Variants in KCNT1 observed in about 807,000 individuals in gnomAD.
KCNT1 encodes potassium sodium-activated channel subfamily T member 1.
In KCNT1, 78 loss-of-function variants were observed where a neutral mutation model predicts 147.8. The ratio of observed to expected loss-of-function variants is 0.53; its 90% CI spans 0.44 to 0.64. The LOEUF (loss-of-function observed/expected upper bound fraction) is 0.64, where lower values mean the gene tolerates loss of function less well. Ranked by LOEUF, KCNT1 falls within the 30% of genes least tolerant of loss-of-function variation. KCNT1 has a pLI of 0.00. For synonymous variants in KCNT1, 867 were observed against 748.8 expected, an observed-to-expected ratio of 1.16 and a Z score of -2.58; for missense variants, 1,419 against 1,750.3, an observed-to-expected ratio of 0.81 and a Z score of 3.38.
chr9:135,776,036 G>A (rs1357275918), intron 20 of KCNT1, among the ~76,000 whole-genome samples: 1 of 152,006 alleles, frequency 6.6e-6, no homozygotes, highest in Non-Finnish European at 1.5e-5. Flanking sequence ...CTGCATGTGG[G>A]GCCAGCCCTC....
Position 135,784,886 on chromosome 9 carries a change from G to T in KCNT1, c.3153G>T (p.Ser1051=), listed in dbSNP as rs141802876. The T allele has an allele frequency of 6.2e-7, 1 of 1,612,072 alleles. No individual in the cohort carries two copies. The highest frequency in any genetic ancestry group is 2.2e-5 in the East Asian group (1 of 44,876). The change falls in exon 27 of 31, where the codon TCG becomes TCT. Residue 1051 remains serine (S), a synonymous_variant. Transcript: ENST00000371757. ...CAGAGAGCCACGTCTTCTCCACCTC[G>T]GAGGTTCTGGGGCAGCCTGGGGGCT... The part of the protein sequence containing the change: ...YRTESHVFST[S]EPHDLRAQSQ...
At chr9:135,757,674 C>T (rs1005860136) in intron 9 of KCNT1, among the ~76,000 whole-genome samples, 16 of 152,182 alleles carry the variant, frequency 1.1e-4, no homozygotes, top group Non-Finnish European at 2.2e-4. Flanking sequence ...CAAACCCAGG[C>T]CACGAGGACC....
At position 135,786,479 on chromosome 9, in the gene KCNT1, A is replaced by C. The variant is rs750176430; in HGVS notation, c.3460A>C (p.Lys1154Gln). The change falls in exon 29 of 31, where the codon AAG becomes CAG. Residue 1154 changes from lysine to glutamine, a missense_variant. Transcript: ENST00000371757. ...SERQELSELV[K>Q]NRMKHLGLPT... is the part of the protein sequence containing the mutation. The stretch of plus-strand genomic sequence containing the variant: ...GCGCCAGGAGCTCTCCGAGCTGGTG[A>C]AGAACCGCATGAAGCACCTGGGGCT... 3.7e-6 allele frequency: 6 copies of C among 1,603,798 alleles called. No individual in the cohort carries two copies. In the East Asian group the frequency reaches 1.3e-4, roughly 36 times the overall value.
chr9:135,782,584 G>A (rs1047151827), intron 24 of KCNT1, among the ~76,000 whole-genome samples: 16 of 152,188 alleles, frequency 1.1e-4, no homozygotes, highest in Non-Finnish European at 7.3e-5. Flanking sequence ...AATGGCACCC[G>A]CTCAGCCCCT....
chr9:135,708,360 T>G (rs1417112399), intron 1 of KCNT1, among the ~76,000 whole-genome samples: 1 of 152,232 alleles, frequency 6.6e-6, no homozygotes, highest in Non-Finnish European at 1.5e-5. Flanking sequence ...TGCATGCAAA[T>G]ACATGCTCAT....
At chr9:135,720,766 C>T (rs113616820) in intron 2 of KCNT1, among the ~76,000 whole-genome samples, 83 of 152,350 alleles carry the variant, frequency 5.4e-4, no homozygotes, top group African/African-American at 1.7e-3. Flanking sequence ...AGAGTTTCTG[C>T]GTGAAGGCGT....
At position 135,777,453 on chromosome 9, in the gene KCNT1, G is replaced by A. The variant is rs1833247008; in HGVS notation, c.2465G>A (p.Arg822Gln). The change falls in exon 21 of 31, where the codon CGG (arginine) becomes CAG (glutamine). Residue 822 changes from arginine to glutamine, a missense_variant. Physicochemically the swap from Arg to Gln is conservative, Grantham distance 43. Coordinates refer to ENST00000371757, the MANE Select transcript of KCNT1 (RefSeq NM_020822.3). ...CTGTACAACTTCATCGTGCCACTGCGGGCCTACTACAGATCCCGCAAGGAG... is the reference window on the plus strand; with the variant it reads ...CTGTACAACTTCATCGTGCCACTGCAGGCCTACTACAGATCCCGCAAGGAG... ...NGLYNFIVPL[R>Q]AYYRSRKELN... 4 of 1,614,030 alleles carry A rather than the reference G, an allele frequency of 2.5e-6. No homozygotes were observed. The highest frequency in any genetic ancestry group is 2.5e-6 in the Non-Finnish European group (3 of 1,179,954).
At chr9:135,782,196 CCT>C (rs1833657633) in intron 24 of KCNT1, among the ~76,000 whole-genome samples, 1 of 151,940 alleles carries the variant, frequency 6.6e-6, no homozygotes, top group Non-Finnish European at 1.5e-5. Flanking sequence ...AGAGCGAGAC[CCT>C]GTCTCAAAAA....
Position 135,778,715 on chromosome 9 carries a change from C to T in KCNT1, c.2622C>T (p.Ile874=), listed in dbSNP as rs1833361530. The T allele has an allele frequency of 1.9e-6, 3 of 1,613,676 alleles. No homozygotes were observed. Among genetic ancestry groups the T allele is most frequent in the Non-Finnish European group, 2.5e-6 (3 of 1,179,878 alleles). ...TGGACAGCCTGCTGCAGTGTGGCAT[C>T]ATCTATGCGGACAACCTGGTGGTGG... The part of the protein sequence containing the change: ...DNLDSLLQCG[I]IYADNLVVVD... The change falls in exon 23 of 31, where the codon ATC becomes ATT. Residue 874 remains isoleucine (I), a synonymous_variant. Transcript: ENST00000371757.
At chr9:135,744,235 C>T (rs986742749) in intron 2 of KCNT1, among the ~76,000 whole-genome samples, 5 of 152,264 alleles carry the variant, frequency 3.3e-5, no homozygotes, top group African/African-American at 1.2e-4. Context: ...CAGCCTGCAG[C>T]TGGCCTGCCG....
At chr9:135,755,243 T>G in intron 6 of KCNT1, 74 bp downstream of exon 6, 2 of 1,348,132 alleles carry the variant, frequency 1.5e-6, no homozygotes, top group Non-Finnish European at 2.0e-6. Flanking sequence ...CCAGACTCAG[T>G]AAGTAGGGAA....
chr9:135,791,774 C>A, intron 29 of KCNT1, 23 bp from the exon 30 acceptor site: 1 of 1,611,182 alleles, frequency 6.2e-7, no homozygotes, highest in Non-Finnish European at 8.5e-7. Flanking sequence ...GGGGTGACGT[C>A]TGCCCGGCTG....
intron 2 of KCNT1, among the ~76,000 whole-genome samples, chr9:135,747,585 C>T (rs13300837): frequency 1.3e-5 from 2 of 152,140 alleles, no homozygotes; most frequent in Non-Finnish European, 2.9e-5. Flanking sequence ...GACAGACCCC[C>T]CAAAGAGACA....
rs116006502 is a variant in KCNT1 at position 135,752,949 on chromosome 9, G to A, written c.435-988G>A. On this transcript the variant is annotated intron_variant, in intron 4 of 30. Coordinates refer to ENST00000371757, the MANE Select transcript of KCNT1 (RefSeq NM_020822.3). This position sits in a 1 kb window ranked among gnomAD's most constrained non-coding sequence, Gnocchi z 5.1. ...TGGATGGATGGACAGATAAGTAGAT[G>A]GATAGATGGATGAGTGGATGGATGA... is the stretch of plus-strand genomic sequence containing the variant. Among the ~76,000 whole-genome samples the A allele has an allele frequency of 2.3e-3, 341 of 151,094 alleles. 2 individuals are homozygous for A. Among genetic ancestry groups the A allele is most frequent in the African/African-American group, 7.9e-3 (323 of 41,130 alleles).
chr9:135,792,337 A>T lies in KCNT1; in HGVS notation c.*176A>T. The stretch of plus-strand genomic sequence containing the variant: ...CCTCATGCGGGGGGAGGGCCAGCTC[A>T]CCCCTGGGCACCTGCAGGCTAGTGA... On this transcript the variant is annotated 3_prime_UTR_variant, in exon 31 of 31. Transcript: ENST00000371757. 1.4e-6 allele frequency: 1 copy of T among 698,208 alleles called. No individual in the cohort carries two copies. The highest frequency in any genetic ancestry group is 2.9e-5 in the East Asian group (1 of 34,516). The allele number at this position is 698,208 out of a possible 1,614,324, so 43.3% of individuals were successfully genotyped here. A position where few individuals can be genotyped will look rare whatever the true frequency, so the allele number is the denominator to read the frequency against.
At chr9:135,790,231 GC>G (rs1458412147) in intron 29 of KCNT1, 1 of 152,232 alleles carries the variant, frequency 6.6e-6, no homozygotes, top group African/African-American at 2.4e-5. Flanking sequence ...TACTAGAGCT[GC>G]CCTCACCACC....
At chr9:135,715,188 T>C (rs1385435097) in intron 2 of KCNT1, among the ~76,000 whole-genome samples, 2 of 152,232 alleles carry the variant, frequency 1.3e-5, no homozygotes, top group African/African-American at 4.8e-5. Flanking sequence ...CCTGGTCACT[T>C]ATTCCGAGTC....
intron 2 of KCNT1, among the ~76,000 whole-genome samples, chr9:135,728,910 A>T (rs1053066380): frequency 1.3e-5 from 2 of 152,172 alleles, no homozygotes; most frequent in African/African-American, 4.8e-5. Context: ...CACGATTGTC[A>T]CGTGACATGG....
chr9:135,739,291 C>T (rs991237422), intron 2 of KCNT1, among the ~76,000 whole-genome samples: 9 of 152,094 alleles, frequency 5.9e-5, no homozygotes, highest in Non-Finnish European at 4.4e-5. Flanking sequence ...TGAGGTCTAG[C>T]GTGGTCCAGT....
Sources: allele counts gnomAD v4.1 joint callset (sites outside exome capture counted in the v4.1 genomes callset), GRCh38; gene constraint gnomAD v4.1.1; non-coding constraint Gnocchi (gnomAD v3.1); transcripts MANE v1.5; gene names NCBI Gene and HGNC (gene_info 2026-07-23, HGNC 2026-07-21).